ZDHHC14: variants seen among roughly 807,000 people sequenced by gnomAD.
ZDHHC14 encodes the protein palmitoyltransferase ZDHHC14.
ZDHHC14 carries 16 observed loss-of-function variants against 47.7 expected under a neutral mutation model. The ratio of observed to expected loss-of-function variants is 0.34; its 90% CI spans 0.23 to 0.51. The LOEUF is 0.51. Ranked by LOEUF, ZDHHC14 falls within the 20% of genes least tolerant of loss-of-function variation. ZDHHC14 has a pLI of 0.97. For synonymous variants in ZDHHC14, 293 were observed against 278.9 expected (o/e 1.05, Z -0.50); for missense variants, 515 against 662.5 (o/e 0.78, Z 2.44).
chr6:157,415,004 T>C (rs1234030662), intron 1 of ZDHHC14, among the ~76,000 whole-genome samples: 1 of 152,088 alleles, frequency 6.6e-6, no homozygotes, highest in South Asian at 2.1e-4. Flanking sequence ...GTCACTCTTA[T>C]GAGGATTCAA....
chr6:157,400,923 T>C (rs1777623045), intron 1 of ZDHHC14, among the ~76,000 whole-genome samples: 1 of 152,196 alleles, frequency 6.6e-6, no homozygotes. Flanking sequence ...CAGAACCCTG[T>C]CTTATTGATC....
At chr6:157,595,686 G>A (rs1427908464) in intron 3 of ZDHHC14, among the ~76,000 whole-genome samples, 1 of 152,154 alleles carries the variant, frequency 6.6e-6, no homozygotes, top group Admixed American at 6.5e-5. Flanking sequence ...CCTTATCACA[G>A]CTGTGCCTTT....
Position 157,586,350 on chromosome 6 carries a change from C to T in ZDHHC14, c.407-6638C>T, listed in dbSNP as rs539965499. Among the ~76,000 whole-genome samples the T allele has an allele frequency of 2.2e-4, 34 of 152,262 alleles. 1 individual carries two copies. Among genetic ancestry groups the T allele is most frequent in the African/African-American group, 6.3e-4 (26 of 41,544 alleles). On this transcript the variant is annotated intron_variant, in intron 2 of 8. Coordinates refer to ENST00000359775, the MANE Select transcript of ZDHHC14 (RefSeq NM_024630.3). The surrounding 1 kb of genome is among the most constrained non-coding windows in gnomAD (Gnocchi z 4.6). The stretch of plus-strand genomic sequence containing the variant: ...GGCCCTCAAAGGATAGGATTATCTG[C>T]GCAGACAGCAGGAGAGGGAATCCCG...
At chr6:157,418,604 A>G (rs1393688264) in intron 1 of ZDHHC14, among the ~76,000 whole-genome samples, 1 of 152,202 alleles carries the variant, frequency 6.6e-6, no homozygotes, top group African/African-American at 2.4e-5. Flanking sequence ...ATATTTTGGG[A>G]ACACAGAGAG....
rs1489596920 is a variant in ZDHHC14 at position 157,502,793 on chromosome 6, C to T, written c.246-39792C>T. On this transcript the variant is annotated intron_variant, in intron 1 of 8. Coordinates refer to ENST00000359775, the MANE Select transcript of ZDHHC14 (RefSeq NM_024630.3). The surrounding 1 kb of genome is among the most constrained non-coding windows in gnomAD (Gnocchi z 4.0). ...GCAACCTCCGCCTCCCAGGTTCAAG[C>T]GATTCTCCTGGCTCAGCCTCTCAAG... Among the ~76,000 whole-genome samples, 5 of 152,124 alleles carry T rather than the reference C, an allele frequency of 3.3e-5. No individual in the cohort carries two copies. The highest frequency in any genetic ancestry group is 1.3e-4 in the Admixed American group (2 of 15,282).
At chr6:157,501,017 A>G (rs1167719384) in intron 1 of ZDHHC14, among the ~76,000 whole-genome samples, 1 of 152,182 alleles carries the variant, frequency 6.6e-6, no homozygotes, top group African/African-American at 2.4e-5. Flanking sequence ...GAAAGATTGG[A>G]TTTGTTTACA....
chr6:157,381,620 CG>C lies in ZDHHC14; in HGVS notation c.-397del, dbSNP rs1407796014. ...TCGTGTCCCCTCGGGGCGCAGTGCT[CG>C]GGGGTCGGCGGGCCAGAGCCGAGGC... On this transcript the variant is annotated 5_prime_UTR_variant, in exon 1 of 9. Transcript: ENST00000359775. The C allele has an allele frequency of 3.4e-6, 1 of 293,774 alleles. No homozygotes were observed. The highest frequency in any genetic ancestry group is 1.2e-3 in the Middle Eastern group (1 of 864). The allele number at this position is 293,774 out of a possible 1,614,324, so 18.2% of individuals were successfully genotyped here.
At chr6:157,416,984 T>TTTG (rs1391953242) in intron 1 of ZDHHC14, among the ~76,000 whole-genome samples, 1 of 132,956 alleles carries the variant, frequency 7.5e-6, no homozygotes, top group African/African-American at 2.9e-5. Context: ...TTTTTTTTTT[T>TTTG]TTTTTTTTTT....
chr6:157,393,004 C>T lies in ZDHHC14; in HGVS notation c.245+10738C>T, dbSNP rs139934806. Among the ~76,000 whole-genome samples the T allele has an allele frequency of 1.5e-3, 221 of 152,120 alleles. 4 individuals carry two copies. The East Asian group carries it at 0.034, about 23-fold the overall frequency. ...AAGCAATTGTCCTGCCTCAGCCTCT[C>T]GAGTAGCTGGGATTATAGGCGTGCA... On this transcript the variant is annotated intron_variant, in intron 1 of 8. Transcript: ENST00000359775.
At chr6:157,645,528 C>A (rs554548963) in intron 5 of ZDHHC14, among the ~76,000 whole-genome samples, 3 of 152,260 alleles carry the variant, frequency 2.0e-5, no homozygotes, top group East Asian at 1.9e-4. Flanking sequence ...TGCTCCACGC[C>A]GGGGCAGGTG....
chr6:157,509,156 C>A (rs1780401532), intron 1 of ZDHHC14, among the ~76,000 whole-genome samples: 2 of 152,298 alleles, frequency 1.3e-5, no homozygotes, highest in Admixed American at 1.3e-4. Flanking sequence ...CAACACACTT[C>A]TTCCAACACC....
At chr6:157,559,302 T>C (rs950137589) in intron 2 of ZDHHC14, among the ~76,000 whole-genome samples, 1 of 152,236 alleles carries the variant, frequency 6.6e-6, no homozygotes, top group Admixed American at 6.5e-5. Context: ...GTACTGTAGC[T>C]ATTGCGTGGG....
chr6:157,433,434 A>C lies in ZDHHC14; in HGVS notation c.245+51168A>C, dbSNP rs1416071280. Among the ~76,000 whole-genome samples, 5 of 152,208 alleles carry C rather than the reference A, an allele frequency of 3.3e-5. No homozygotes were observed. In the South Asian group the frequency reaches 1.0e-3, roughly 32 times the overall value. On this transcript the variant is annotated intron_variant, in intron 1 of 8. Transcript: ENST00000359775. ...TAGGTATTCACTAAATAAAGAAAGA[A>C]AAAGATTACAAAAGTAGTGACCAAG...
chr6:157,450,335 A>G (rs1778775227), intron 1 of ZDHHC14, among the ~76,000 whole-genome samples: 3 of 152,098 alleles, frequency 2.0e-5, no homozygotes, highest in African/African-American at 7.2e-5. Flanking sequence ...TCCATGAAAT[A>G]TGCTGAGCTA....
chr6:157,469,321 C>T (rs955582170), intron 1 of ZDHHC14, among the ~76,000 whole-genome samples: 3 of 152,206 alleles, frequency 2.0e-5, no homozygotes, highest in Admixed American at 6.5e-5. Context: ...GTGTTACCCT[C>T]CATAGTCCTT....
At chr6:157,443,823 C>G (rs778832274) in intron 1 of ZDHHC14, among the ~76,000 whole-genome samples, 1 of 152,190 alleles carries the variant, frequency 6.6e-6, no homozygotes, top group African/African-American at 2.4e-5. Context: ...GCCTTACCTT[C>G]TCTGGAACTC....
rs1778953640 is a variant in ZDHHC14 at position 157,675,363 on chromosome 6, CACTT to C, written c.*2242_*2245del. ...ATTCCCAGAAGCCAGGATCACGACT[CACTT>C]GTCTTCACATAATGGATATTTACTT... On this transcript the variant is annotated 3_prime_UTR_variant, in exon 9 of 9. Coordinates refer to ENST00000359775, the MANE Select transcript of ZDHHC14 (RefSeq NM_024630.3). The C allele has an allele frequency of 6.6e-6, 1 of 152,228 alleles. No individual in the cohort carries two copies. The highest frequency in any genetic ancestry group is 1.5e-5 in the Non-Finnish European group (1 of 68,054). The allele number at this position is 152,228 out of a possible 1,614,324, so 9.4% of individuals were successfully genotyped here.
At chr6:157,505,665 T>TGACGTCAG (rs1374512041) in intron 1 of ZDHHC14, among the ~76,000 whole-genome samples, 1 of 152,218 alleles carries the variant, frequency 6.6e-6, no homozygotes, top group African/African-American at 2.4e-5. Flanking sequence ...CCATGAGTTA[T>TGACGTCAG]TAAAACCCTG....
chr6:157,518,871 C>G (rs960968135), intron 1 of ZDHHC14, among the ~76,000 whole-genome samples: 2 of 152,244 alleles, frequency 1.3e-5, no homozygotes, highest in Non-Finnish European at 2.9e-5. Context: ...TTCACAGTCA[C>G]ATGTGGCTTG....
Sources: gnomAD v4.1 joint callset for allele counts (sites outside exome capture counted in the v4.1 genomes callset) on GRCh38, gnomAD v4.1.1 for gene constraint, Gnocchi (gnomAD v3.1) non-coding constraint, MANE v1.5 for transcripts, NCBI Gene and HGNC (gene_info 2026-07-23, HGNC 2026-07-21) for gene names.